Variants in SPEF2 observed in about 807,000 individuals in gnomAD.
SPEF2 encodes sperm flagellar and cilia associated 2.
SPEF2 carries 187 observed loss-of-function variants against 224.6 expected under a neutral mutation model. The observed-to-expected ratio is 0.83, with a 90% CI of 0.74 to 0.94. SPEF2 has a LOEUF of 0.94. Among genes scored for constraint, SPEF2 ranks in the 40% least tolerant of loss-of-function variants. The pLI, the probability that SPEF2 is intolerant of heterozygous loss-of-function variation, is 0.00. For synonymous variants in SPEF2, 715 were observed against 707.3 expected, an observed-to-expected ratio of 1.01 and a Z score of -0.17; for missense variants, 2,170 against 2,135.6, an observed-to-expected ratio of 1.02 and a Z score of -0.32.
intron 4 of SPEF2, among the ~76,000 whole-genome samples, chr5:35,646,321 A>G (rs891430734): frequency 3.3e-5 from 5 of 152,148 alleles, no homozygotes; most frequent in African/African-American, 1.2e-4. Context: ...TTTTCTTCCC[A>G]TCCTTGGTAA....
intron 8 of SPEF2, among the ~76,000 whole-genome samples, chr5:35,666,406 G>T (rs905252959): frequency 6.6e-6 from 1 of 152,116 alleles, no homozygotes; most frequent in Admixed American, 6.6e-5. Context: ...AAATAATAAT[G>T]CACTAAGGAG....
chr5:35,785,312 T>C (rs1754943312), intron 30 of SPEF2, among the ~76,000 whole-genome samples: 2 of 152,144 alleles, frequency 1.3e-5, no homozygotes, highest in South Asian at 4.1e-4. Context: ...TTAAAACTGT[T>C]TATGAGTAGA....
intron 3 of SPEF2, among the ~76,000 whole-genome samples, chr5:35,643,212 C>T (rs1746851254): frequency 6.6e-6 from 1 of 152,188 alleles, no homozygotes; most frequent in Non-Finnish European, 1.5e-5. Flanking sequence ...CATGGGTGAA[C>T]TTCAAGCGTC....
Position 35,695,718 on chromosome 5 carries a change from A to C in SPEF2, c.1976-17A>C. 6.2e-7 allele frequency: 1 copy of C among 1,602,908 alleles called. No homozygotes were observed. The highest frequency in any genetic ancestry group is 2.2e-5 in the East Asian group (1 of 44,562). On this transcript the variant is annotated splice_polypyrimidine_tract_variant and intron_variant, in intron 13 of 36. Transcript: ENST00000356031. The stretch of plus-strand genomic sequence containing the variant: ...TAAATACCAGAAATTTGTTCTTACC[A>C]CTTTTCCTATTGCTAGGTGCTAATG...
intron 25 of SPEF2, 88 bp from the exon 26 acceptor site, chr5:35,763,434 C>T: frequency 8.3e-7 from 1 of 1,206,550 alleles, no homozygotes; most frequent in Non-Finnish European, 1.1e-6. Flanking sequence ...TAAACCAAGA[C>T]AGTAAAATTT....
intron 9 of SPEF2, among the ~76,000 whole-genome samples, chr5:35,668,723 A>G (rs1750855842): frequency 6.6e-6 from 1 of 152,096 alleles, no homozygotes; most frequent in South Asian, 2.1e-4. Context: ...ATCTGTTTCT[A>G]TCCTCATATC....
intron 1 of SPEF2, among the ~76,000 whole-genome samples, chr5:35,618,325 C>T (rs1026036577): frequency 2.6e-5 from 4 of 152,096 alleles, no homozygotes; most frequent in Non-Finnish European, 2.9e-5. Flanking sequence ...CACGGTGGGC[C>T]CAACCCGCAG....
At chr5:35,630,054 A>G (rs377188132) in intron 2 of SPEF2, among the ~76,000 whole-genome samples, 17 of 152,264 alleles carry the variant, frequency 1.1e-4, no homozygotes, top group East Asian at 9.7e-4. Flanking sequence ...TAAAGTTCCA[A>G]AATCATCTCC....
intron 24 of SPEF2, among the ~76,000 whole-genome samples, chr5:35,757,285 A>G (rs1580610250): frequency 2.0e-5 from 3 of 152,062 alleles, no homozygotes; most frequent in Admixed American, 1.3e-4. Context: ...AGTATTTTAT[A>G]TAAGATAATC....
chr5:35,801,726 G>A (rs970322979), intron 34 of SPEF2, among the ~76,000 whole-genome samples: 6 of 152,110 alleles, frequency 3.9e-5, no homozygotes, highest in South Asian at 2.1e-4. Flanking sequence ...TGTCAGACCC[G>A]CTGCTATATG....
At chr5:35,656,854 T>G (rs2149443207) in intron 7 of SPEF2, among the ~76,000 whole-genome samples, 1 of 152,322 alleles carries the variant, frequency 6.6e-6, no homozygotes, top group African/African-American at 2.4e-5. Context: ...CTTTTCTGTG[T>G]GTGGGTGAGC....
At chr5:35,664,605 A>G (rs1393407592) in intron 8 of SPEF2, among the ~76,000 whole-genome samples, 1 of 151,738 alleles carries the variant, frequency 6.6e-6, no homozygotes, top group East Asian at 1.9e-4. Context: ...GCTTGAACCC[A>G]GGAGGCTGAG....
intron 23 of SPEF2, among the ~76,000 whole-genome samples, chr5:35,741,024 T>C (rs1287400343): frequency 1.3e-5 from 2 of 152,190 alleles, no homozygotes; most frequent in Admixed American, 6.5e-5. Context: ...CCATGCCCCA[T>C]TCATTTGGTC....
At chr5:35,654,425 A>G in intron 6 of SPEF2, 115 bp from the exon 7 acceptor site, 1 of 777,480 alleles carries the variant, frequency 1.3e-6, no homozygotes, top group Non-Finnish European at 1.9e-6. Context: ...TTGTATTAAT[A>G]AATTAACAGT....
At chr5:35,715,664 A>G (rs936143274) in intron 20 of SPEF2, among the ~76,000 whole-genome samples, 2 of 152,062 alleles carry the variant, frequency 1.3e-5, no homozygotes, top group African/African-American at 4.8e-5. Flanking sequence ...CAGGTTTAGT[A>G]TCTGTGCAAG....
At chr5:35,804,406 T>C (rs913456026) in intron 34 of SPEF2, among the ~76,000 whole-genome samples, 1 of 152,224 alleles carries the variant, frequency 6.6e-6, no homozygotes, top group Non-Finnish European at 1.5e-5. Context: ...AGTACTGGCT[T>C]TTCTCCAAAT....
Position 35,646,584 on chromosome 5 carries a change from T to A in SPEF2, c.586-83T>A, listed in dbSNP as rs1170175606. On this transcript the variant is annotated intron_variant, in intron 4 of 36. Coordinates refer to ENST00000356031, the MANE Select transcript of SPEF2 (RefSeq NM_024867.4). ...GTTCTGAAATTTTCAATAGATAAATTTTATATATTTGTACCTATGAGTGTA... is the reference window on the plus strand; with the variant it reads ...GTTCTGAAATTTTCAATAGATAAATATTATATATTTGTACCTATGAGTGTA... The A allele has an allele frequency of 7.4e-6, 10 of 1,349,916 alleles. No homozygotes were observed. The East Asian group carries it at 2.4e-4, about 32-fold the overall frequency. 83.6% of individuals were successfully genotyped at this position (1,349,916 alleles called of 1,614,324 possible).
chr5:35,807,843 A>T (rs922559492), intron 36 of SPEF2: 1 of 1,516,674 alleles, frequency 6.6e-7, no homozygotes, highest in Non-Finnish European at 8.8e-7. Context: ...ATGTGCATCC[A>T]CTATGGCGAG....
chr5:35,630,904 A>G (rs1436971022), intron 2 of SPEF2, among the ~76,000 whole-genome samples: 1 of 152,198 alleles, frequency 6.6e-6, no homozygotes, highest in African/African-American at 2.4e-5. Context: ...ATAACTCAAT[A>G]GTAAAAAGAC....
Sources: allele counts gnomAD v4.1 joint callset (sites outside exome capture counted in the v4.1 genomes callset), GRCh38; gene constraint gnomAD v4.1.1; transcripts MANE v1.5; gene names NCBI Gene and HGNC (gene_info 2026-07-23, HGNC 2026-07-21).